The following SLC35F4 variants were observed in gnomAD, a reference collection of about 807,000 sequenced individuals.
SLC35F4 encodes the protein chromosome 14 open reading frame 36.
A neutral mutation model predicts 44.2 loss-of-function variants in SLC35F4; 24 were observed. The ratio of observed to expected loss-of-function variants is 0.54; its 90% CI spans 0.39 to 0.76. The LOEUF (loss-of-function observed/expected upper bound fraction) is 0.76, where lower values mean the gene tolerates loss of function less well. Ranked by LOEUF, SLC35F4 falls within the 30% of genes least tolerant of loss-of-function variation. The pLI is 0.00. For missense variants in SLC35F4, 562 were observed against 586.1 expected (o/e 0.96, Z 0.42); for synonymous variants, 238 against 223.6 (o/e 1.06, Z -0.57).
intron 1 of SLC35F4, among the ~76,000 whole-genome samples, chr14:57,812,299 C>A (rs1231617213): frequency 6.6e-6 from 1 of 152,158 alleles, no homozygotes; most frequent in Non-Finnish European, 1.5e-5. Context: ...CCTCCCACCT[C>A]CCTTTCAGAG....
intron 1 of SLC35F4, among the ~76,000 whole-genome samples, chr14:57,821,895 C>T (rs986861244): frequency 6.6e-6 from 1 of 152,172 alleles, no homozygotes; most frequent in Non-Finnish European, 1.5e-5. Context: ...AAGCTGGGAG[C>T]AGGGCCAGGA....
intron 1 of SLC35F4, among the ~76,000 whole-genome samples, chr14:57,736,260 A>G (rs2076461510): frequency 6.6e-6 from 1 of 152,176 alleles, no homozygotes; most frequent in Non-Finnish European, 1.5e-5. Flanking sequence ...CATGTCTCTC[A>G]GTGTTCTGGC....
At chr14:57,890,390 T>C (rs1202225239) in intron 1 of SLC35F4, among the ~76,000 whole-genome samples, 2 of 152,176 alleles carry the variant, frequency 1.3e-5, no homozygotes, top group African/African-American at 2.4e-5. Context: ...TTATACAACA[T>C]AGTTTTTACA....
intron 1 of SLC35F4, among the ~76,000 whole-genome samples, chr14:57,633,673 T>G (rs2072893371): frequency 6.6e-6 from 1 of 152,084 alleles, no homozygotes; most frequent in South Asian, 2.1e-4. Flanking sequence ...TCTCTCACGC[T>G]TTCCCTTTTT....
At chr14:57,594,545 C>A (rs543901761) in intron 1 of SLC35F4, among the ~76,000 whole-genome samples, 3 of 152,276 alleles carry the variant, frequency 2.0e-5, no homozygotes, top group African/African-American at 7.2e-5. Context: ...GATAAAGACT[C>A]TTTTAGATAA....
chr14:57,893,328 G>C (rs561041209), intron 1 of SLC35F4, among the ~76,000 whole-genome samples: 63 of 152,242 alleles, frequency 4.1e-4, no homozygotes, highest in African/African-American at 1.5e-3. Context: ...TGTACTATCT[G>C]TCAGGCATTA....
At chr14:57,881,194 C>T (rs968875449) in intron 1 of SLC35F4, among the ~76,000 whole-genome samples, 1 of 152,166 alleles carries the variant, frequency 6.6e-6, no homozygotes, top group Non-Finnish European at 1.5e-5. Flanking sequence ...GTAGGGTCAG[C>T]TCAGTATACT....
At chr14:57,600,811 C>T (rs906193962) in intron 1 of SLC35F4, among the ~76,000 whole-genome samples, 12 of 151,004 alleles carry the variant, frequency 7.9e-5, no homozygotes, top group Non-Finnish European at 1.5e-4. Context: ...ATTTCAGTGG[C>T]AACAAATATT....
At chr14:57,752,772 T>C (rs2076915664) in intron 1 of SLC35F4, among the ~76,000 whole-genome samples, 1 of 152,164 alleles carries the variant, frequency 6.6e-6, no homozygotes, top group South Asian at 2.1e-4. Context: ...AAGCCTTGTC[T>C]TTTGTAGGGA....
chr14:57,929,387 A>ATTT (rs1164570047), intron 1 of SLC35F4, among the ~76,000 whole-genome samples: 4 of 152,088 alleles, frequency 2.6e-5, no homozygotes, highest in African/African-American at 9.7e-5. Flanking sequence ...GAAAACCCAA[A>ATTT]CATTTATTTG....
At chr14:57,877,674 CTTTTTTTTT>C (rs139397949) in intron 1 of SLC35F4, among the ~76,000 whole-genome samples, 2 of 52,422 alleles carry the variant, frequency 3.8e-5, no homozygotes, top group Non-Finnish European at 3.5e-5. Flanking sequence ...TATTTTTTGA[CTTTTTTTTT>C]TTTTTTTTTT....
chr14:57,849,159 C>T (rs1367040453), intron 1 of SLC35F4, among the ~76,000 whole-genome samples: 1 of 151,888 alleles, frequency 6.6e-6, no homozygotes, highest in Non-Finnish European at 1.5e-5. Flanking sequence ...AGAATCACAA[C>T]ATATCCAAGA....
At chr14:57,829,478 T>A (rs1427456187) in intron 1 of SLC35F4, among the ~76,000 whole-genome samples, 1 of 152,152 alleles carries the variant, frequency 6.6e-6, no homozygotes, top group Non-Finnish European at 1.5e-5. Context: ...AGTGACAGAA[T>A]ACAAGCTGAA....
intron 1 of SLC35F4, among the ~76,000 whole-genome samples, chr14:57,722,433 C>A (rs1181353842): frequency 6.6e-6 from 1 of 152,142 alleles, no homozygotes; most frequent in Non-Finnish European, 1.5e-5. Flanking sequence ...AGAAGATACA[C>A]CCTTGACCAA....
Position 57,639,446 on chromosome 14 carries a change from A to G in SLC35F4, c.104-45322T>C, listed in dbSNP as rs534917838. On this transcript the variant is annotated intron_variant, in intron 1 of 7. Coordinates refer to ENST00000556826, the MANE Select transcript of SLC35F4 (RefSeq NM_001306087.2). ...AGTGTTTTCTGCTTGGGATCAGCTA[A>G]AGTCTATAAAATTTTGTGTTGGTTC... Among the ~76,000 whole-genome samples the G allele has an allele frequency of 2.0e-5, 3 of 151,994 alleles. No homozygotes were observed. The South Asian group carries it at 6.2e-4, about 32-fold the overall frequency.
chr14:57,783,009 G>A (rs773827310), intron 1 of SLC35F4, among the ~76,000 whole-genome samples: 1 of 152,158 alleles, frequency 6.6e-6, no homozygotes, highest in African/African-American at 2.4e-5. Context: ...GGAGCTGGGA[G>A]GGAGGGGAAA....
At chr14:57,667,160 G>A (rs73305941) in intron 1 of SLC35F4, among the ~76,000 whole-genome samples, 3,815 of 150,478 alleles carry the variant, frequency 0.025, 173 homozygotes, top group African/African-American at 0.087. Flanking sequence ...ATGCATATGC[G>A]CTCCTGTGTT....
chr14:57,567,123 G>A lies in SLC35F4; in HGVS notation c.1127-559C>T, dbSNP rs1255686624. On this transcript the variant is annotated intron_variant, in intron 6 of 7. Transcript: ENST00000556826. ...GTCTCCACATTCTGATTTGTGTACA[G>A]ATAATCAGAGGGCAGATCCACAGAA... Among the ~76,000 whole-genome samples the A allele has an allele frequency of 2.0e-5, 3 of 152,224 alleles. No individual in the cohort carries two copies. The East Asian group carries it at 5.8e-4, about 29-fold the overall frequency.
chr14:57,789,580 G>C (rs1483804691), intron 1 of SLC35F4, among the ~76,000 whole-genome samples: 1 of 152,102 alleles, frequency 6.6e-6, no homozygotes, highest in Admixed American at 6.5e-5. Context: ...AAGAGGAGCT[G>C]GTACCATTCC....
Sources: allele counts gnomAD v4.1 joint callset (sites outside exome capture counted in the v4.1 genomes callset), GRCh38; gene constraint gnomAD v4.1.1; transcripts MANE v1.5; gene names NCBI Gene and HGNC (gene_info 2026-07-23, HGNC 2026-07-21).